The following SLC24A2 variants were observed in gnomAD, a reference collection of about 807,000 sequenced individuals.
SLC24A2 encodes the protein sodium/potassium/calcium exchanger 2.
A neutral mutation model predicts 62.0 loss-of-function variants in SLC24A2; 36 were observed. The ratio of observed to expected loss-of-function variants is 0.58; its 90% confidence interval spans 0.44 to 0.77. The LOEUF (loss-of-function observed/expected upper bound fraction) is 0.77, where lower values mean the gene tolerates loss of function less well. SLC24A2 is among the 30% of genes least tolerant of loss of function. SLC24A2 has a pLI of 0.00. For missense variants in SLC24A2, 846 were observed against 817.9 expected (o/e 1.03, Z -0.42); for synonymous variants, 358 against 294.0 (o/e 1.22, Z -2.23).
At chr9:20,163,434 G>A in the SLC24A2 span, among the ~76,000 whole-genome samples, 53 of 152,106 alleles carry the variant, frequency 3.5e-4, no homozygotes, top group African/African-American at 1.2e-3. Flanking sequence ...GGGACGTGAA[G>A]GACCTCTTCA....
chr9:20,049,718 G>C, the SLC24A2 span, among the ~76,000 whole-genome samples: 1 of 151,070 alleles, frequency 6.6e-6, no homozygotes, highest in Non-Finnish European at 1.5e-5. Flanking sequence ...CACATAGAGG[G>C]GACATAGAGG....
the SLC24A2 span, among the ~76,000 whole-genome samples, chr9:20,167,174 C>T: frequency 3.9e-5 from 6 of 152,080 alleles, no homozygotes; most frequent in South Asian, 4.1e-4. Context: ...TAAAAGGATA[C>T]GTTTAATTAA....
chr9:20,200,967 C>T, the SLC24A2 span, among the ~76,000 whole-genome samples: 1 of 152,188 alleles, frequency 6.6e-6, no homozygotes, highest in African/African-American at 2.4e-5. Flanking sequence ...GGGTTTTACC[C>T]TGCAAATCAC....
the SLC24A2 span, among the ~76,000 whole-genome samples, chr9:20,121,830 G>C: frequency 6.6e-6 from 1 of 152,102 alleles, no homozygotes; most frequent in African/African-American, 2.4e-5. Context: ...TGGAGATGGT[G>C]CTGTTATTTT....
the SLC24A2 span, among the ~76,000 whole-genome samples, chr9:20,282,397 TATAC>T: frequency 6.6e-6 from 1 of 152,342 alleles, no homozygotes; most frequent in South Asian, 2.1e-4. Flanking sequence ...ATCCAATATT[TATAC>T]ATACATATTA....
chr9:19,813,448 G>T, the SLC24A2 span, among the ~76,000 whole-genome samples: 1 of 149,210 alleles, frequency 6.7e-6, no homozygotes, highest in Admixed American at 6.8e-5. Context: ...TCCCTGAGTA[G>T]CTGGGACTAC....
chr9:19,903,938 C>T, the SLC24A2 span, among the ~76,000 whole-genome samples: 9 of 152,222 alleles, frequency 5.9e-5, no homozygotes, highest in African/African-American at 1.4e-4. Flanking sequence ...AAAAGCCTCT[C>T]ATGCACAAAG....
chr9:20,222,333 G>C, the SLC24A2 span, among the ~76,000 whole-genome samples: 1 of 151,748 alleles, frequency 6.6e-6, no homozygotes, highest in South Asian at 2.1e-4. Flanking sequence ...TGAAAGGATA[G>C]AAATAAACTC....
chr9:19,589,881 C>T (rs1451688842), intron 5 of SLC24A2, among the ~76,000 whole-genome samples: 1 of 152,174 alleles, frequency 6.6e-6, no homozygotes, highest in Non-Finnish European at 1.5e-5. Context: ...GGCATCAAAG[C>T]ATCCATTATC....
intron 2 of SLC24A2, among the ~76,000 whole-genome samples, chr9:19,778,418 A>C (rs986830880): frequency 5.9e-5 from 9 of 152,120 alleles, no homozygotes; most frequent in African/African-American, 2.2e-4. Flanking sequence ...TCTATCTGTA[A>C]GCTGAGACTC....
intron 2 of SLC24A2, among the ~76,000 whole-genome samples, chr9:19,727,491 C>A (rs1023906825): frequency 2.0e-5 from 3 of 152,142 alleles, no homozygotes; most frequent in Non-Finnish European, 2.9e-5. Flanking sequence ...TGTCTTCCCT[C>A]CCCTACAAGA....
Position 19,786,480 on chromosome 9 carries a change from C to G in SLC24A2, c.387G>C (p.Glu129Asp). 1 of 1,614,180 alleles carries G rather than the reference C, an allele frequency of 6.2e-7. No homozygotes were observed. The highest frequency in any genetic ancestry group is 8.5e-7 in the Non-Finnish European group (1 of 1,180,036). Residue 129 changes from glutamate to aspartate, a missense_variant, in exon 2 of 11, where the codon GAG becomes GAC. Coordinates refer to ENST00000341998, the MANE Select transcript of SLC24A2 (RefSeq NM_020344.4). This position sits in a 1 kb window ranked among gnomAD's most constrained non-coding sequence, Gnocchi z 5.0. ...DYPKDIFSLE[E>D]RRKGAIILHV... ...GCAGAATGATCGCACCTTTTCTTCTCTCCTCAAGGGAAAAGATGTCTTTCG... is the reference window on the plus strand; with the variant it reads ...GCAGAATGATCGCACCTTTTCTTCTGTCCTCAAGGGAAAAGATGTCTTTCG...
At chr9:20,125,983 T>C in the SLC24A2 span, among the ~76,000 whole-genome samples, 1 of 152,222 alleles carries the variant, frequency 6.6e-6, no homozygotes, top group Non-Finnish European at 1.5e-5. Context: ...TAGTCAAGAC[T>C]GTTTTTCCTG....
At chr9:19,684,367 T>C (rs1477681436) in intron 2 of SLC24A2, among the ~76,000 whole-genome samples, 1 of 152,094 alleles carries the variant, frequency 6.6e-6, no homozygotes, top group Admixed American at 6.6e-5. Flanking sequence ...TAAAGCAAAC[T>C]TCCATTCAGG....
At chr9:19,770,075 T>C (rs73432070) in intron 2 of SLC24A2, among the ~76,000 whole-genome samples, 1,676 of 151,278 alleles carry the variant, frequency 0.011, 30 homozygotes, top group African/African-American at 0.038. Context: ...TATTGTCCCA[T>C]GTAGACTGCA....
chr9:20,268,151 T>C, the SLC24A2 span, among the ~76,000 whole-genome samples: 1 of 152,176 alleles, frequency 6.6e-6, no homozygotes, highest in Non-Finnish European at 1.5e-5. Context: ...GTGGGAAGCA[T>C]GGCTTAGGAT....
At chr9:20,253,629 G>A in the SLC24A2 span, among the ~76,000 whole-genome samples, 1 of 152,200 alleles carries the variant, frequency 6.6e-6, no homozygotes, top group East Asian at 1.9e-4. Flanking sequence ...AATCTCTGGG[G>A]AAGTGGGGCC....
chr9:19,581,068 G>C (rs1172418556), intron 5 of SLC24A2, among the ~76,000 whole-genome samples: 1 of 152,170 alleles, frequency 6.6e-6, no homozygotes, highest in Admixed American at 6.5e-5. Context: ...GGGTGATGTA[G>C]TCCTGAGTTG....
the SLC24A2 span, among the ~76,000 whole-genome samples, chr9:20,183,981 A>C: frequency 6.6e-6 from 1 of 152,202 alleles, no homozygotes; most frequent in Non-Finnish European, 1.5e-5. Context: ...GAGAAATACA[A>C]TTACAGAATG....
Sources: gnomAD v4.1 joint callset for allele counts (sites outside exome capture counted in the v4.1 genomes callset) on GRCh38, gnomAD v4.1.1 for gene constraint, Gnocchi (gnomAD v3.1) non-coding constraint, MANE v1.5 for transcripts, NCBI Gene and HGNC (gene_info 2026-07-23, HGNC 2026-07-21) for gene names.